The following NFKBIA variants were observed in gnomAD, a reference collection of about 807,000 sequenced individuals.
NFKBIA encodes NFKB inhibitor alpha.
In NFKBIA, 10 loss-of-function variants were observed where a neutral mutation model predicts 36.3. That is an observed-to-expected ratio of 0.28 (90% CI 0.17 to 0.47). NFKBIA has a LOEUF of 0.47. Ranked by LOEUF, NFKBIA falls within the 20% of genes least tolerant of loss-of-function variation. The pLI is 0.99. For synonymous variants in NFKBIA, 205 were observed against 164.4 expected (o/e 1.25, Z -1.89); for missense variants, 355 against 399.3 (o/e 0.89, Z 0.94).
In NFKBIA at chr14:35,404,739, C is replaced by A. The variant is rs904094040; in HGVS notation, c.-95G>T. On this transcript the variant is annotated 5_prime_UTR_variant, in exon 1 of 6. Transcript: ENST00000216797. ...GGCGCTGGCGGGCGGGACGGCGGCA[C>A]GGACTGCTGTGGGCTCTGCAGCGCC... The A allele has an allele frequency of 2.4e-5, 21 of 874,594 alleles. No individual in the cohort carries two copies. In the African/African-American group the frequency reaches 3.4e-4, roughly 14 times the overall value. The allele number at this position is 874,594 out of a possible 1,614,324, so 54.2% of individuals were successfully genotyped here. A position where few individuals can be genotyped will look rare whatever the true frequency, so the allele number is the denominator to read the frequency against.
rs2138831292 is a variant in NFKBIA, at chr14:35,402,876, A to G, written c.548-17T>C. ...ACGTGTGGCCTGGAAGAACAAAAGG[A>G]AAAAAGTATAACCACCTGTTTCAAC... On this transcript the variant is annotated splice_polypyrimidine_tract_variant and intron_variant, in intron 3 of 5. Transcript: ENST00000216797. The G allele has an allele frequency of 3.1e-6, 5 of 1,609,818 alleles. No homozygotes were observed. The highest frequency in any genetic ancestry group is 4.3e-6 in the Non-Finnish European group (5 of 1,176,262).
chr14:35,404,705 C>T lies in NFKBIA; in HGVS notation c.-61G>A, dbSNP rs560482972. The T allele has an allele frequency of 2.1e-5, 26 of 1,218,232 alleles. No individual in the cohort carries two copies. The highest frequency in any genetic ancestry group is 2.6e-5 in the Non-Finnish European group (25 of 945,682). The allele number at this position is 1,218,232 out of a possible 1,614,324, so 75.5% of individuals were successfully genotyped here. A position where few individuals can be genotyped will look rare whatever the true frequency, so the allele number is the denominator to read the frequency against. ...CTGGGCCGCGGGCTGCGCGCTGCTT[C>T]CTCGCTGGGGCGCTGGCGGGCGGGA... On this transcript the variant is annotated 5_prime_UTR_variant, in exon 1 of 6. Coordinates refer to ENST00000216797, the MANE Select transcript of NFKBIA (RefSeq NM_020529.3).
Position 35,402,779 on chromosome 14 carries a change from T to A in NFKBIA, c.628A>T (p.Asn210Tyr). Reference protein sequence around the residue: ...ELLVSLGADVNAQEPCNGRTA... With the variant: ...ELLVSLGADVYAQEPCNGRTA... The stretch of plus-strand genomic sequence containing the variant: ...GGGCAGGAAGCACCAACCTGAGCAT[T>A]GACATCAGCACCCAAGGACACCAAA... The change falls in exon 4 of 6, where the codon AAT (asparagine) becomes TAT (tyrosine). Residue 210 changes from asparagine (N) to tyrosine (Y), a missense_variant. Coordinates refer to ENST00000216797, the MANE Select transcript of NFKBIA (RefSeq NM_020529.3). The A allele has an allele frequency of 6.2e-7, 1 of 1,613,996 alleles. No individual in the cohort carries two copies. Among genetic ancestry groups the A allele is most frequent in the Non-Finnish European group, 8.5e-7 (1 of 1,179,892 alleles).
intron 1 of NFKBIA, 175 bp from the exon 2 acceptor site, chr14:35,403,973 G>GC (rs1429808353): frequency 1.1e-5 from 7 of 631,884 alleles, no homozygotes; most frequent in African/African-American, 3.6e-5. Context: ...GGGACTTTCC[G>GC]CCCCCCTCCC....
At chr14:35,402,723 T>G (rs1368439686) in intron 4 of NFKBIA, 48 bp downstream of exon 4, 2 of 1,613,880 alleles carry the variant, frequency 1.2e-6, no homozygotes, top group Non-Finnish European at 1.7e-6. Context: ...GCTCACAACA[T>G]AAGCACGAGG....
chr14:35,403,874 G>A (rs541639506), intron 1 of NFKBIA, 76 bp from the exon 2 acceptor site: 1 of 1,104,414 alleles, frequency 9.1e-7, no homozygotes, highest in South Asian at 1.3e-5. Context: ...GGGCTGCGGG[G>A]GATTGCGCAA....
At chr14:35,403,004 A>G (rs2052744775) in intron 3 of NFKBIA, 145 bp from the exon 4 acceptor site, 3 of 1,225,456 alleles carry the variant, frequency 2.4e-6, no homozygotes, top group Admixed American at 2.0e-5. Context: ...AAGGCATCCA[A>G]TAGGCACTTT....
At position 35,404,613 on chromosome 14, in the gene NFKBIA, C is replaced by A; in HGVS notation, c.32G>T (p.Trp11Leu). ...CCCGTCGCGGGGGCCCTCCATGGCC[C>A]ACTCCTGGGGGCGCTCGGCCGCCTG... MFQAAERPQE[W>L]AMEGPRDGLK... Residue 11 changes from tryptophan to leucine, a missense_variant, in exon 1 of 6, where the codon TGG (tryptophan) becomes TTG (leucine). Coordinates refer to ENST00000216797, the MANE Select transcript of NFKBIA (RefSeq NM_020529.3). 1 of 1,557,378 alleles carries A rather than the reference C, an allele frequency of 6.4e-7. No individual in the cohort carries two copies.
chr14:35,404,351 T>A, intron 1 of NFKBIA, 67 bp downstream of exon 1: 7 of 1,049,866 alleles, frequency 6.7e-6, no homozygotes, highest in Non-Finnish European at 7.7e-6. Flanking sequence ...GCCCGGCGCC[T>A]CCCACCCCCA....
At chr14:35,402,365 T>TA (rs765457814) in intron 5 of NFKBIA, 29 bp downstream of exon 5, 2 of 1,613,948 alleles carry the variant, frequency 1.2e-6, no homozygotes, top group Non-Finnish European at 1.7e-6. Flanking sequence ...CCTCATTAGT[T>TA]AGAGCGCCGA....
intron 5 of NFKBIA, 71 bp from the exon 6 acceptor site, chr14:35,402,131 G>C (rs1348845967): frequency 6.4e-7 from 1 of 1,561,542 alleles, no homozygotes; most frequent in Middle Eastern, 1.7e-4. Flanking sequence ...GGGATGGGGA[G>C]GCCACTACTG....
rs1386644458 is a variant in NFKBIA at position 35,403,842 on chromosome 14, C to G, written c.228-44G>C. On this transcript the variant is annotated intron_variant, in intron 1 of 5. Coordinates refer to ENST00000216797, the MANE Select transcript of NFKBIA (RefSeq NM_020529.3). Reference sequence around the variant, plus strand: ...AAAACCCCAGGGGTGGTGAGTGCACCGCGTGGGGCCCAGGGAGGCGCGGGC... The same window carrying G: ...AAAACCCCAGGGGTGGTGAGTGCACGGCGTGGGGCCCAGGGAGGCGCGGGC... 4.8e-6 allele frequency: 7 copies of G among 1,447,972 alleles called. No individual in the cohort carries two copies. The East Asian group carries it at 1.4e-4, about 28-fold the overall frequency. 89.7% of individuals were successfully genotyped at this position (1,447,972 alleles called of 1,614,324 possible).
rs1566589966 is a variant in NFKBIA, at chr14:35,402,448, C to T, written c.852G>A (p.Glu284=). ...LENLQMLPES[E]DEESYDTESE... ...ACTCTGTGTCATAGCTCTCCTCATCCTCACTCTCTGGCAGCATCTGAAGGT... is the reference window on the plus strand; with the variant it reads ...ACTCTGTGTCATAGCTCTCCTCATCTTCACTCTCTGGCAGCATCTGAAGGT... The change falls in exon 5 of 6, where the codon GAG becomes GAA. Residue 284 remains glutamate (E), a synonymous_variant. Transcript: ENST00000216797. 1 of 1,614,160 alleles carries T rather than the reference C, an allele frequency of 6.2e-7. No homozygotes were observed. Among genetic ancestry groups the T allele is most frequent in the Non-Finnish European group, 8.5e-7 (1 of 1,180,022 alleles).
chr14:35,404,251 C>CA (rs2052763878), intron 1 of NFKBIA, 167 bp downstream of exon 1: 2 of 384,704 alleles, frequency 5.2e-6, no homozygotes, highest in Non-Finnish European at 4.3e-6. Context: ...CGCGGCCCTG[C>CA]AGCCCTGCAG....
Position 35,403,738 on chromosome 14 carries a change from C to A in NFKBIA, c.288G>T (p.Gln96His), listed in dbSNP as rs915300088. The stretch of plus-strand genomic sequence containing the variant: ...TGAGGAAGGCCAGGTCTCCCTTCAC[C>A]TGGCGGATCACTTCCATGGTCAGTG... ...EKALTMEVIR[Q>H]VKGDLAFLNF... is the part of the protein sequence containing the mutation. The change falls in exon 2 of 6, where the codon CAG (glutamine) becomes CAT (histidine). Residue 96 changes from glutamine to histidine, a missense_variant. Physicochemically the swap from Gln to His is conservative, Grantham distance 24. Transcript: ENST00000216797. 6.2e-7 allele frequency: 1 copy of A among 1,614,058 alleles called. No homozygotes were observed. Among genetic ancestry groups the A allele is most frequent in the East Asian group, 2.2e-5 (1 of 44,872 alleles).
At chr14:35,402,929 G>T in intron 3 of NFKBIA, 70 bp from the exon 4 acceptor site, 1 of 1,450,988 alleles carries the variant, frequency 6.9e-7, no homozygotes, top group Non-Finnish European at 9.6e-7. Flanking sequence ...ATTCTTTTAT[G>T]GAACAAGTAG....
chr14:35,403,406 C>T (rs1331346200), intron 2 of NFKBIA, 46 bp from the exon 3 acceptor site: 2 of 1,600,154 alleles, frequency 1.2e-6, no homozygotes, highest in Admixed American at 1.7e-5. Context: ...TGGACCAAAC[C>T]CACACCCCGA....
intron 2 of NFKBIA, 37 bp downstream of exon 2, chr14:35,403,653 A>G (rs2052753441): frequency 6.8e-7 from 1 of 1,462,766 alleles, no homozygotes; most frequent in African/African-American, 1.4e-5. Context: ...GCTACGTCCC[A>G]GGGTCAGAGA....
rs1439126277 is a variant in NFKBIA at position 35,402,066 on chromosome 14, A to G, written c.907-6T>C. ...ACACAGTCATCATAGGGCAGCTGAAAACAAGGGGAAAAAAGACACGTTAAG... is the reference window on the plus strand; with the variant it reads ...ACACAGTCATCATAGGGCAGCTGAAGACAAGGGGAAAAAAGACACGTTAAG... On this transcript the variant is annotated splice_polypyrimidine_tract_variant and splice_region_variant and intron_variant, in intron 5 of 5. Transcript: ENST00000216797. 1.2e-6 allele frequency: 2 copies of G among 1,614,048 alleles called. No homozygotes were observed. Among genetic ancestry groups the G allele is most frequent in the Admixed American group, 3.3e-5 (2 of 59,998 alleles).
Sources: gnomAD v4.1 joint callset for allele counts on GRCh38, gnomAD v4.1.1 for gene constraint, MANE v1.5 for transcripts, NCBI Gene and HGNC (gene_info 2026-07-23, HGNC 2026-07-21) for gene names.